Variants in EXO1 observed in about 807,000 individuals in gnomAD.
The protein encoded by EXO1 is exonuclease 1.
Under a neutral mutation model 84.5 loss-of-function variants are expected in EXO1, and 69 were observed. That is an observed-to-expected ratio of 0.82 (90% CI 0.67 to 1.00). The LOEUF (loss-of-function observed/expected upper bound fraction) is 1.00, where lower values mean the gene tolerates loss of function less well. Among genes scored for constraint, EXO1 ranks in the 50% least tolerant of loss-of-function variants. The pLI, the probability that EXO1 is intolerant of heterozygous loss-of-function variation, is 0.00. For synonymous variants in EXO1, 373 were observed against 366.1 expected (o/e 1.02, Z -0.21); for missense variants, 1,045 against 1,000.7 (o/e 1.04, Z -0.60).
chr1:241,882,672 G>A (rs1368648973), intron 14 of EXO1, among the ~76,000 whole-genome samples: 1 of 152,062 alleles, frequency 6.6e-6, no homozygotes, highest in Non-Finnish European at 1.5e-5. Context: ...GTCACAAAAG[G>A]AAAAGTACCA....
At position 241,872,171 on chromosome 1, in the gene EXO1, C is replaced by T. The variant is rs1558137503; in HGVS notation, c.1407C>T (p.Asn469=). Residue 469 remains asparagine, a synonymous_variant, in exon 12 of 16, where the codon AAC becomes AAT. Coordinates refer to ENST00000366548, the MANE Select transcript of EXO1 (RefSeq NM_130398.4). ...FVPDLVNGPT[N]KKSVSTPPRT... is the part of the protein sequence containing the mutation. ...CTGACCTGGTAAATGGACCTACTAA[C>T]AAAAAGAGTGTAAGCACTCCACCTA... The T allele has an allele frequency of 6.2e-7, 1 of 1,613,888 alleles. No individual in the cohort carries two copies. The highest frequency in any genetic ancestry group is 2.2e-5 in the East Asian group (1 of 44,864).
intron 14 of EXO1, among the ~76,000 whole-genome samples, chr1:241,884,236 C>A (rs1292386542): frequency 6.6e-6 from 1 of 152,096 alleles, no homozygotes; most frequent in Non-Finnish European, 1.5e-5. Flanking sequence ...CTTCTTTTTT[C>A]TCCCTCACTT....
At chr1:241,884,672 T>TGCAC (rs1290579693) in intron 14 of EXO1, among the ~76,000 whole-genome samples, 12 of 17,986 alleles carry the variant, frequency 6.7e-4, no homozygotes, top group Non-Finnish European at 2.1e-3. Flanking sequence ...TGTGTGTGTG[T>TGCAC]GTGTGCACGT....
At position 241,858,683 on chromosome 1, in the gene EXO1, G is replaced by C. The variant is rs770549019; in HGVS notation, c.721G>C (p.Val241Leu). ...GATTGGATTAGCAAAGGCATGCAAA[G>C]TCCTAAGACTAGCCAATAATCCAGA... ...RGIGLAKACK[V>L]LRLANNPDIV... is the part of the protein sequence containing the mutation. The change falls in exon 8 of 16, where the codon GTC becomes CTC. Residue 241 changes from valine to leucine, a missense_variant. Val to Leu is a conservative substitution (Grantham distance 32, BLOSUM62 1). Transcript: ENST00000366548. 14 of 1,613,906 alleles carry C rather than the reference G, an allele frequency of 8.7e-6. No individual in the cohort carries two copies. The highest frequency in any genetic ancestry group is 1.1e-5 in the Non-Finnish European group (13 of 1,179,782).
Position 241,878,870 on chromosome 1 carries a change from G to A in EXO1, c.1636G>A (p.Glu546Lys). 1 of 1,614,118 alleles carries A rather than the reference G, an allele frequency of 6.2e-7. No homozygotes were observed. The highest frequency in any genetic ancestry group is 8.5e-7 in the Non-Finnish European group (1 of 1,179,988). The change falls in exon 13 of 16, where the codon GAA (glutamate) becomes AAA (lysine). Residue 546 changes from glutamate to lysine, a missense_variant. Physicochemically the swap from Glu to Lys is moderately conservative, Grantham distance 56 (BLOSUM62 1). Transcript: ENST00000366548. ...GCATGAATCAGAGTATGGAGACCAAGAAGGCAAGAGACTGGTTGACACAGA... is the reference window on the plus strand; with the variant it reads ...GCATGAATCAGAGTATGGAGACCAAAAAGGCAAGAGACTGGTTGACACAGA... Reference protein sequence around the residue: ...NLHESEYGDQEGKRLVDTDVA... With the variant: ...NLHESEYGDQKGKRLVDTDVA...
At chr1:241,858,767 T>A in intron 8 of EXO1, 49 bp downstream of exon 8, 1 of 1,121,824 alleles carries the variant, frequency 8.9e-7, no homozygotes. Context: ...AGCATTTCCT[T>A]AATAAAATAA....
chr1:241,858,774 A>G, intron 8 of EXO1, 56 bp downstream of exon 8: 6 of 1,040,520 alleles, frequency 5.8e-6, no homozygotes, highest in Non-Finnish European at 7.5e-6. Flanking sequence ...CCTTAATAAA[A>G]TAATAAATCA....
chr1:241,885,969 T>C (rs1431158916), intron 15 of EXO1, among the ~76,000 whole-genome samples: 2 of 151,918 alleles, frequency 1.3e-5, no homozygotes, highest in Non-Finnish European at 2.9e-5. Flanking sequence ...TTCTTCTGCC[T>C]CAGCCTCCCG....
intron 8 of EXO1, among the ~76,000 whole-genome samples, chr1:241,859,812 G>A (rs1661270694): frequency 6.6e-6 from 1 of 152,170 alleles, no homozygotes; most frequent in African/African-American, 2.4e-5. Flanking sequence ...AAACATCAAA[G>A]AAGCTCATTT....
In EXO1 at chr1:241,882,007, TA is replaced by T; in HGVS notation, c.2203del (p.Arg735GlyfsTer24). ...LSHFSKKDTP[L>X]RNKVPGLYKS... ...CATTTCTCAAAAAAAGACACACCTC[TA>T]AGGAACAAGGTAAAACATTTATTTA... On this transcript the variant is annotated frameshift_variant, in exon 14 of 16. Transcript: ENST00000366548. LOFTEE classifies it high-confidence loss of function. 6.7e-7 allele frequency: 1 copy of T among 1,491,324 alleles called. No homozygotes were observed. Among genetic ancestry groups the T allele is most frequent in the Non-Finnish European group, 9.3e-7 (1 of 1,069,608 alleles). 92.4% of individuals were successfully genotyped at this position (1,491,324 alleles called of 1,614,324 possible). A position where few individuals can be genotyped will look rare whatever the true frequency, so the allele number is the denominator to read the frequency against.
rs1328758667 is a variant in EXO1 at position 241,853,550 on chromosome 1, A to G, written c.405+69A>G. 5 of 1,569,418 alleles carry G rather than the reference A, an allele frequency of 3.2e-6. No homozygotes were observed. The East Asian group carries it at 1.1e-4, about 35-fold the overall frequency. ...CAACTTGTTTATTGATGGGAGAGGA[A>G]GAAAATCAAGGGTGGAAAATTGTTC... is the stretch of plus-strand genomic sequence containing the variant. On this transcript the variant is annotated intron_variant, in intron 6 of 15. Coordinates refer to ENST00000366548, the MANE Select transcript of EXO1 (RefSeq NM_130398.4).
intron 12 of EXO1, among the ~76,000 whole-genome samples, chr1:241,878,231 G>A (rs1009304053): frequency 6.6e-6 from 1 of 152,208 alleles, no homozygotes; most frequent in Non-Finnish European, 1.5e-5. Flanking sequence ...GGGCGCTGTG[G>A]CTCACGCCTG....
At chr1:241,888,891 A>G (rs1663212364) in intron 15 of EXO1, among the ~76,000 whole-genome samples, 1 of 152,154 alleles carries the variant, frequency 6.6e-6, no homozygotes, top group Admixed American at 6.5e-5. Flanking sequence ...CCTGGCCAGC[A>G]TGGTGAAACC....
chr1:241,852,578 A>G (rs1442508371), intron 5 of EXO1, among the ~76,000 whole-genome samples, 167 bp downstream of exon 5: 1 of 152,172 alleles, frequency 6.6e-6, no homozygotes, highest in African/African-American at 2.4e-5. Context: ...CCAGGAGTTC[A>G]GCACCTTAGT....
chr1:241,888,269 A>G (rs760733444), intron 15 of EXO1, among the ~76,000 whole-genome samples: 5 of 152,186 alleles, frequency 3.3e-5, no homozygotes, highest in Non-Finnish European at 7.3e-5. Context: ...AATGTAAAGT[A>G]TACCAAAGGG....
At chr1:241,879,497 A>T (rs1282073917) in intron 13 of EXO1, among the ~76,000 whole-genome samples, 154 bp downstream of exon 13, 1 of 152,170 alleles carries the variant, frequency 6.6e-6, no homozygotes, top group Non-Finnish European at 1.5e-5. Flanking sequence ...CATTTTATTC[A>T]TTTGAAGGAC....
At chr1:241,883,314 A>G (rs1662874448) in intron 14 of EXO1, among the ~76,000 whole-genome samples, 1 of 152,200 alleles carries the variant, frequency 6.6e-6, no homozygotes, top group Non-Finnish European at 1.5e-5. Context: ...AATGATAAAT[A>G]TTTATTTCTC....
chr1:241,876,475 G>A (rs960298759), intron 12 of EXO1, among the ~76,000 whole-genome samples: 2 of 151,902 alleles, frequency 1.3e-5, no homozygotes, highest in East Asian at 1.9e-4. Context: ...CCAGCTTCTC[G>A]GGGGGCCGAG....
chr1:241,854,307 T>C (rs968058850), intron 6 of EXO1, among the ~76,000 whole-genome samples: 1 of 152,082 alleles, frequency 6.6e-6, no homozygotes, highest in Admixed American at 6.5e-5. Flanking sequence ...CCGGCTACTT[T>C]TGTATTTTTA....
Sources: allele counts gnomAD v4.1 joint callset (sites outside exome capture counted in the v4.1 genomes callset), GRCh38; gene constraint gnomAD v4.1.1; transcripts MANE v1.5; gene names NCBI Gene and HGNC (gene_info 2026-07-23, HGNC 2026-07-21).